The following PDE1C variants were observed in gnomAD, a reference collection of about 807,000 sequenced individuals.
PDE1C encodes the protein phosphodiesterase 1C.
PDE1C carries 62 observed loss-of-function variants against 93.1 expected under a neutral mutation model. The observed-to-expected ratio is 0.67, with a 90% CI of 0.54 to 0.82. PDE1C has a LOEUF of 0.82. Among genes scored for constraint, PDE1C ranks in the 40% least tolerant of loss-of-function variants. PDE1C has a pLI of 0.00. For synonymous variants in PDE1C, 325 were observed against 310.1 expected (o/e 1.05, Z -0.50); for missense variants, 742 against 884.6 (o/e 0.84, Z 2.04).
Position 31,879,035 on chromosome 7 carries a change from C to A in PDE1C, c.386G>T (p.Ser129Ile). ...CCCAGCCTGCACTGCGTGAACGATG[C>A]TCTTGAACCGGGGCTTCTCGTCGCT... ...RRSDEKPRFK[S>I]IVHAVQAGIF... Residue 129 changes from serine (S) to isoleucine (I), a missense_variant, in exon 4 of 18, where the codon AGC becomes ATC. Physicochemically the swap from Ser to Ile is moderately radical, Grantham distance 142. Transcript: ENST00000396191. 1 of 1,614,140 alleles carries A rather than the reference C, an allele frequency of 6.2e-7. No individual in the cohort carries two copies. Among genetic ancestry groups the A allele is most frequent in the Non-Finnish European group, 8.5e-7 (1 of 1,180,006 alleles).
chr7:32,180,809 T>C (rs1803346826), intron 2 of PDE1C, among the ~76,000 whole-genome samples: 1 of 152,222 alleles, frequency 6.6e-6, no homozygotes, highest in South Asian at 2.1e-4. Flanking sequence ...GTAATATAAC[T>C]GGCTTTCTGG....
chr7:32,032,109 T>C (rs917935387), intron 2 of PDE1C, among the ~76,000 whole-genome samples: 4 of 152,104 alleles, frequency 2.6e-5, no homozygotes, highest in African/African-American at 9.7e-5. Flanking sequence ...AGAGTAGACA[T>C]ACTTCCTCAT....
intron 2 of PDE1C, among the ~76,000 whole-genome samples, chr7:31,977,421 T>C (rs1029855097): frequency 3.9e-5 from 6 of 152,200 alleles, no homozygotes; most frequent in Non-Finnish European, 7.3e-5. Context: ...AATTCTGTTA[T>C]AGCAATAGAA....
chr7:31,811,297 G>GAGTC (rs986181105), intron 15 of PDE1C, among the ~76,000 whole-genome samples: 5 of 152,072 alleles, frequency 3.3e-5, no homozygotes, highest in Non-Finnish European at 7.4e-5. Flanking sequence ...GTGGAACTGT[G>GAGTC]AGTCCATTAA....
At chr7:32,187,580 G>T (rs1274368829) in intron 2 of PDE1C, among the ~76,000 whole-genome samples, 1 of 148,570 alleles carries the variant, frequency 6.7e-6, no homozygotes, top group African/African-American at 2.6e-5. Context: ...TAAATATTTG[G>T]ACTTAAAGAT....
In PDE1C at chr7:31,829,655, G is replaced by A. The variant is rs114019944; in HGVS notation, c.1204-1282C>T. Among the ~76,000 whole-genome samples, 338 of 152,164 alleles carry A rather than the reference G, an allele frequency of 2.2e-3. 1 individual carries two copies. Among genetic ancestry groups the A allele is most frequent in the African/African-American group, 7.9e-3 (327 of 41,522 alleles). ...CAATGGGAGCTGGGGACATCCAAGG[G>A]TCTCAGGAATAGTCCCTAAGTGGCT... is the stretch of plus-strand genomic sequence containing the variant. On this transcript the variant is annotated intron_variant, in intron 11 of 17. Transcript: ENST00000396191.
the PDE1C span, among the ~76,000 whole-genome samples, chr7:31,665,195 C>G: frequency 6.6e-6 from 1 of 152,166 alleles, no homozygotes; most frequent in East Asian, 1.9e-4. Flanking sequence ...TGCTTTTCTA[C>G]TTTTCCCAGA....
At chr7:32,186,348 C>T (rs1487925757) in intron 2 of PDE1C, among the ~76,000 whole-genome samples, 3 of 151,518 alleles carry the variant, frequency 2.0e-5, no homozygotes, top group East Asian at 1.9e-4. Flanking sequence ...ATGATCCACC[C>T]GCCTCGGCCT....
chr7:31,841,227 C>CTCTATATATATATATA (rs751320538), intron 9 of PDE1C, among the ~76,000 whole-genome samples: 6 of 142,262 alleles, frequency 4.2e-5, no homozygotes, highest in African/African-American at 1.6e-4. Context: ...CTCTCTCTCT[C>CTCTATATATATATATA]TATATATATA....
At chr7:32,072,780 A>G (rs1796137634), upstream of PDE1C, among the ~76,000 whole-genome samples, 1 of 152,192 alleles carries the variant, frequency 6.6e-6, no homozygotes, top group African/African-American at 2.4e-5. Context: ...TCCTAGACCA[A>G]CTAGAGAGAA....
At chr7:31,992,068 T>G (rs1171357149) in intron 2 of PDE1C, among the ~76,000 whole-genome samples, 3 of 152,244 alleles carry the variant, frequency 2.0e-5, no homozygotes, top group African/African-American at 7.2e-5. Flanking sequence ...GAAAAAGGAC[T>G]TGGTTGCAGG....
chr7:32,295,893 CAAAAAAA>C (rs147462417), intron 1 of PDE1C, among the ~76,000 whole-genome samples: 1 of 85,120 alleles, frequency 1.2e-5, no homozygotes, highest in African/African-American at 4.4e-5. Flanking sequence ...GACTCTGTCT[CAAAAAAA>C]AAAAAAAAAA....
intron 2 of PDE1C, among the ~76,000 whole-genome samples, chr7:31,972,222 T>A (rs1181285820): frequency 1.3e-5 from 2 of 152,196 alleles, no homozygotes; most frequent in Non-Finnish European, 2.9e-5. Context: ...GAATAGAACA[T>A]TGTTAAAATA....
At chr7:31,886,606 A>G (rs1258971804) in intron 2 of PDE1C, among the ~76,000 whole-genome samples, 1 of 152,174 alleles carries the variant, frequency 6.6e-6, no homozygotes, top group Non-Finnish European at 1.5e-5. Context: ...GATGGGGGCT[A>G]AGAAAGCACA....
chr7:32,158,863 C>G (rs1801739617), intron 3 of PDE1C, among the ~76,000 whole-genome samples: 1 of 152,246 alleles, frequency 6.6e-6, no homozygotes, highest in Non-Finnish European at 1.5e-5. Context: ...CAAGGCCCTA[C>G]ATTACATAGT....
chr7:32,290,998 ATATAAAC>A (rs1269200566), intron 1 of PDE1C, among the ~76,000 whole-genome samples: 1 of 152,118 alleles, frequency 6.6e-6, no homozygotes, highest in Non-Finnish European at 1.5e-5. Context: ...CTTATAATGG[ATATAAAC>A]TATAAATATA....
intron 2 of PDE1C, among the ~76,000 whole-genome samples, chr7:32,203,526 G>T (rs1805180945): frequency 6.6e-6 from 1 of 152,070 alleles, no homozygotes; most frequent in African/African-American, 2.4e-5. Flanking sequence ...GCCGCCCCTT[G>T]CTTCACTCCC....
At chr7:32,121,160 G>C (rs1034048238) in intron 3 of PDE1C, among the ~76,000 whole-genome samples, 1 of 152,026 alleles carries the variant, frequency 6.6e-6, no homozygotes, top group Non-Finnish European at 1.5e-5. Context: ...CTGAAATAAG[G>C]CATGCAGACA....
intron 1 of PDE1C, among the ~76,000 whole-genome samples, chr7:32,337,728 A>AC (rs570360267): frequency 1.3e-5 from 2 of 151,508 alleles, no homozygotes; most frequent in Non-Finnish European, 2.9e-5. Flanking sequence ...AAGGGAAAGG[A>AC]GGGGGGAGAA....
Sources: allele counts gnomAD v4.1 joint callset (sites outside exome capture counted in the v4.1 genomes callset), GRCh38; gene constraint gnomAD v4.1.1; transcripts MANE v1.5; gene names NCBI Gene and HGNC (gene_info 2026-07-23, HGNC 2026-07-21).